The following PPM1B variants were observed in gnomAD, a reference collection of about 807,000 sequenced individuals.
PPM1B encodes protein phosphatase 1B.
PPM1B carries 22 observed loss-of-function variants against 43.0 expected under a neutral mutation model. The ratio of observed to expected loss-of-function variants is 0.51; its 90% CI spans 0.37 to 0.73. The LOEUF is 0.73. Among genes scored for constraint, PPM1B ranks in the 30% least tolerant of loss-of-function variants. The probability of loss-of-function intolerance (pLI) is 0.00; values close to 1 mark genes in which losing one functional copy is unlikely to be tolerated. For synonymous variants in PPM1B, 217 were observed against 197.9 expected (o/e 1.10, Z -0.81); for missense variants, 632 against 584.2 (o/e 1.08, Z -0.84).
chr2:44,183,766 T>C (rs1220953542), intron 1 of PPM1B, among the ~76,000 whole-genome samples: 1 of 151,882 alleles, frequency 6.6e-6, no homozygotes, highest in African/African-American at 2.4e-5. Flanking sequence ...CAAGACAGAG[T>C]CTCGCTCAGT....
intron 1 of PPM1B, among the ~76,000 whole-genome samples, chr2:44,174,036 A>G (rs920954613): frequency 3.3e-5 from 5 of 152,234 alleles, no homozygotes; most frequent in African/African-American, 1.2e-4. Flanking sequence ...GTTAGTTCAT[A>G]TATTATACAT....
chr2:44,202,135 T>C, intron 2 of PPM1B, 90 bp downstream of exon 2: 1 of 1,272,150 alleles, frequency 7.9e-7, no homozygotes, highest in East Asian at 2.5e-5. Context: ...TTTAAAACTT[T>C]TAATATTTTC....
intron 2 of PPM1B, among the ~76,000 whole-genome samples, chr2:44,203,706 C>G (rs746081454): frequency 1.8e-4 from 27 of 152,008 alleles, no homozygotes; most frequent in Non-Finnish European, 3.5e-4. Context: ...AGAGAGATCT[C>G]CATGCCTATA....
intron 1 of PPM1B, among the ~76,000 whole-genome samples, chr2:44,187,414 C>T (rs908173740): frequency 6.6e-6 from 1 of 152,202 alleles, no homozygotes; most frequent in Non-Finnish European, 1.5e-5. Flanking sequence ...ATCCCACTGT[C>T]ATTTTTTTGG....
chr2:44,183,088 T>C (rs1667957894), intron 1 of PPM1B, among the ~76,000 whole-genome samples: 1 of 152,244 alleles, frequency 6.6e-6, no homozygotes, highest in Admixed American at 6.5e-5. Flanking sequence ...TTCTCTCATC[T>C]CAGGATCTTC....
At position 44,201,214 on chromosome 2, in the gene PPM1B, G is replaced by T; in HGVS notation, c.15G>T (p.Leu5Phe). The T allele has an allele frequency of 1.3e-6, 2 of 1,584,550 alleles. No individual in the cohort carries two copies. Among genetic ancestry groups the T allele is most frequent in the South Asian group, 2.3e-5 (2 of 86,890 alleles). Reference sequence around the variant, plus strand: ...TATTGCTAAACATGGGTGCATTTTTGGATAAACCCAAAACTGAAAAACATA... The same window carrying T: ...TATTGCTAAACATGGGTGCATTTTTTGATAAACCCAAAACTGAAAAACATA... MGAF[L>F]DKPKTEKHNA... Residue 5 changes from leucine (L) to phenylalanine (F), a missense_variant, in exon 2 of 6, where the codon TTG (leucine) becomes TTT (phenylalanine). Around this residue, in one of 3 missense-constraint regions of PPM1B, gnomAD observed 200 missense variants for 200.7 expected, o/e 1.00. Transcript: ENST00000282412. This position sits in a 1 kb window ranked among gnomAD's most constrained non-coding sequence, Gnocchi z 5.4.
chr2:44,217,853 AT>A (rs1669793925), intron 3 of PPM1B, 113 bp from the exon 4 acceptor site: 16 of 543,754 alleles, frequency 2.9e-5, no homozygotes, highest in African/African-American at 4.0e-5. Context: ...GTTGATGGTA[AT>A]TTTTTTTAAT....
chr2:44,244,859 AGTGT>A (rs59566158), downstream of PPM1B, among the ~76,000 whole-genome samples: 2 of 146,624 alleles, frequency 1.4e-5, no homozygotes, highest in Admixed American at 6.8e-5. Flanking sequence ...ACACATATAT[AGTGT>A]GTGTGTGTGT....
At chr2:44,199,326 A>T (rs988690489) in intron 1 of PPM1B, among the ~76,000 whole-genome samples, 14 of 141,706 alleles carry the variant, frequency 9.9e-5, no homozygotes, top group East Asian at 7.9e-4. Flanking sequence ...AATAAAAATA[A>T]AAAAAAAAAA....
chr2:44,196,819 C>A (rs1668683827), intron 1 of PPM1B, among the ~76,000 whole-genome samples: 1 of 152,166 alleles, frequency 6.6e-6, no homozygotes, highest in South Asian at 2.1e-4. Context: ...GTGGTTATAA[C>A]ATCTCAGAAA....
chr2:44,202,178 G>C, intron 2 of PPM1B, 133 bp downstream of exon 2: 3 of 873,240 alleles, frequency 3.4e-6, no homozygotes, highest in Non-Finnish European at 4.8e-6. Flanking sequence ...TACTTTACCA[G>C]AAATGAAACC....
chr2:44,195,846 C>G (rs1240460190), intron 1 of PPM1B, among the ~76,000 whole-genome samples: 3 of 152,148 alleles, frequency 2.0e-5, no homozygotes, highest in Non-Finnish European at 2.9e-5. Flanking sequence ...TGTAGCTCTG[C>G]CTGGGAAACC....
intron 5 of PPM1B, among the ~76,000 whole-genome samples, chr2:44,226,735 C>CTTTTTTTTTTTTT (rs60750702): frequency 9.0e-5 from 6 of 66,684 alleles, no homozygotes; most frequent in African/African-American, 2.6e-4. Context: ...AGGTTTTTAT[C>CTTTTTTTTTTTTT]TTTTTTTTTT....
Position 44,230,464 on chromosome 2 carries a change from C to T in PPM1B, c.1186C>T (p.Leu396Phe), listed in dbSNP as rs1273530387. ...ATCACAGGGAAAATTGGTGGAAGCT[C>T]TCAGGCAAATGAGAATTAATCATAG... ...SGSQGKLVEA[L>F]RQMRINHRGN... Residue 396 changes from leucine (L) to phenylalanine (F), a missense_variant, in exon 6 of 6, where the codon CTC becomes TTC. Around this residue, in one of 3 missense-constraint regions of PPM1B, gnomAD observed 392 missense variants for 302.7 expected, o/e 1.29. Coordinates refer to ENST00000282412, the MANE Select transcript of PPM1B (RefSeq NM_002706.6). 1 of 1,614,150 alleles carries T rather than the reference C, an allele frequency of 6.2e-7. No individual in the cohort carries two copies. Among genetic ancestry groups the T allele is most frequent in the African/African-American group, 1.3e-5 (1 of 75,054 alleles).
chr2:44,234,188 CCCTTCTGTACT>C, downstream of PPM1B: 1 of 982,688 alleles, frequency 1.0e-6, no homozygotes, highest in Non-Finnish European at 1.2e-6. Flanking sequence ...CAATATTAAC[CCCTTCTGTACT>C]CTAGAAATAT....
At chr2:44,241,855 A>ATTTTTTTTTT (rs1308907282) in intron 5 of PPM1B, among the ~76,000 whole-genome samples, 4 of 32,850 alleles carry the variant, frequency 1.2e-4, no homozygotes, top group African/African-American at 2.5e-4. Flanking sequence ...TTAGAAAATA[A>ATTTTTTTTTT]TCTTTTTTTT....
downstream of PPM1B, among the ~76,000 whole-genome samples, chr2:44,244,820 G>GATATATATATATAT (rs542334922): frequency 5.7e-3 from 736 of 129,634 alleles, 3 homozygotes; most frequent in East Asian, 0.012. Flanking sequence ...AATTACTTGA[G>GATATATATATATAT]ATATATATAT....
chr2:44,226,794 C>T (rs1490421695), intron 5 of PPM1B, among the ~76,000 whole-genome samples: 8 of 130,768 alleles, frequency 6.1e-5, no homozygotes, highest in Admixed American at 8.5e-5. Context: ...GGGTTGTAGG[C>T]CCTGCATTAA....
At chr2:44,220,273 T>C (rs1348671932) in intron 5 of PPM1B, among the ~76,000 whole-genome samples, 1 of 151,370 alleles carries the variant, frequency 6.6e-6, no homozygotes. Context: ...CATATATATA[T>C]ATATATATAC....
Sources: gnomAD v4.1 joint callset for allele counts (sites outside exome capture counted in the v4.1 genomes callset) on GRCh38, gnomAD v4.1.1 for gene constraint, gnomAD v4.1.1 regional missense constraint, Gnocchi (gnomAD v3.1) non-coding constraint, MANE v1.5 for transcripts, NCBI Gene and HGNC (gene_info 2026-07-23, HGNC 2026-07-21) for gene names.